Variants in NEGR1 observed in about 807,000 individuals in gnomAD.
NEGR1 encodes IgLON family member 4.
A neutral mutation model predicts 40.9 loss-of-function variants in NEGR1; 10 were observed. That is an observed-to-expected ratio of 0.24 (90% CI 0.15 to 0.42). The LOEUF (loss-of-function observed/expected upper bound fraction) is 0.42, where lower values mean the gene tolerates loss of function less well. Ranked by LOEUF, NEGR1 falls within the 10% of genes least tolerant of loss-of-function variation. NEGR1 has a pLI of 1.00. For synonymous variants in NEGR1, 185 were observed against 166.8 expected (o/e 1.11, Z -0.84); for missense variants, 352 against 438.9 (o/e 0.80, Z 1.77).
At chr1:71,826,793 T>C (rs1403290646) in intron 2 of NEGR1, among the ~76,000 whole-genome samples, 1 of 151,966 alleles carries the variant, frequency 6.6e-6, no homozygotes, top group South Asian at 2.1e-4. Context: ...GTTACCTACA[T>C]AATTACATTT....
At chr1:72,043,048 G>A (rs568622565) in intron 1 of NEGR1, among the ~76,000 whole-genome samples, 11 of 151,926 alleles carry the variant, frequency 7.2e-5, no homozygotes, top group African/African-American at 2.7e-4. Flanking sequence ...GAGTGGCATA[G>A]CATACCAGGC....
intron 3 of NEGR1, among the ~76,000 whole-genome samples, chr1:71,699,025 C>G (rs1461706435): frequency 6.6e-6 from 1 of 151,914 alleles, no homozygotes; most frequent in Non-Finnish European, 1.5e-5. Context: ...GGAGACCCTT[C>G]TACCTCCTTG....
At chr1:71,670,804 T>C (rs1296598784) in intron 4 of NEGR1, among the ~76,000 whole-genome samples, 1 of 152,126 alleles carries the variant, frequency 6.6e-6, no homozygotes, top group Non-Finnish European at 1.5e-5. Context: ...TATGTCTCTC[T>C]GATCAAATCA....
intron 2 of NEGR1, among the ~76,000 whole-genome samples, chr1:71,914,259 A>T (rs1661509039): frequency 6.6e-6 from 1 of 152,212 alleles, no homozygotes; most frequent in Non-Finnish European, 1.5e-5. Context: ...TGTCTGACTC[A>T]TCTTGGGGCC....
intron 1 of NEGR1, among the ~76,000 whole-genome samples, chr1:72,041,082 A>T (rs950084831): frequency 6.6e-6 from 1 of 152,064 alleles, no homozygotes; most frequent in Admixed American, 6.6e-5. Flanking sequence ...TTCCCTATAG[A>T]CAAAGTACCA....
In NEGR1 at chr1:71,925,068, G is replaced by C. The variant is rs545570588; in HGVS notation, c.409+10011C>G. On this transcript the variant is annotated intron_variant, in intron 2 of 6. Transcript: ENST00000357731. ...CTAACATTTGTCAGACACCATCCTG[G>C]TTGAGAGTCAAAAAATAAAATAAAA... 4.6e-5 allele frequency among the ~76,000 whole-genome samples: 7 copies of C among 152,124 alleles called. No homozygotes were observed. The South Asian group carries it at 1.5e-3, about 32-fold the overall frequency.
chr1:71,833,884 C>T (rs1200317252), intron 2 of NEGR1, among the ~76,000 whole-genome samples: 3 of 152,128 alleles, frequency 2.0e-5, no homozygotes, highest in Admixed American at 2.0e-4. Flanking sequence ...TCCAATTAGT[C>T]TGCATCTTTA....
chr1:71,899,080 T>G (rs530795296), intron 2 of NEGR1, among the ~76,000 whole-genome samples: 1 of 146,836 alleles, frequency 6.8e-6, no homozygotes, highest in African/African-American at 2.5e-5. Context: ...TGGAAAAGAT[T>G]CTGGGAACAG....
intron 4 of NEGR1, among the ~76,000 whole-genome samples, chr1:71,623,420 G>C (rs1334986): frequency 6.6e-6 from 1 of 151,800 alleles, no homozygotes; most frequent in Admixed American, 6.6e-5. Flanking sequence ...ATTTCTATAT[G>C]GTTCAAAGAC....
chr1:72,053,198 T>C (rs1211872319), intron 1 of NEGR1, among the ~76,000 whole-genome samples: 3 of 151,256 alleles, frequency 2.0e-5, no homozygotes, highest in South Asian at 4.1e-4. Flanking sequence ...CAAATAAACA[T>C]ACCCTTTTCT....
intron 6 of NEGR1, among the ~76,000 whole-genome samples, chr1:71,425,008 A>G (rs546748126): frequency 6.6e-6 from 1 of 152,190 alleles, no homozygotes. Context: ...TAATTGTTTC[A>G]TAGCAATAGA....
intron 1 of NEGR1, among the ~76,000 whole-genome samples, chr1:72,019,440 A>T (rs1251428043): frequency 6.6e-6 from 1 of 152,192 alleles, no homozygotes; most frequent in East Asian, 1.9e-4. Context: ...GCTGTATTAT[A>T]ATGCAGCTGT....
intron 1 of NEGR1, among the ~76,000 whole-genome samples, chr1:72,048,335 G>A (rs1167733364): frequency 6.6e-6 from 1 of 151,380 alleles, no homozygotes; most frequent in African/African-American, 2.4e-5. Context: ...TTTAATTTTT[G>A]TACCTCAGAA....
intron 2 of NEGR1, among the ~76,000 whole-genome samples, chr1:71,910,396 AC>A (rs1661393188): frequency 6.6e-6 from 1 of 152,184 alleles, no homozygotes; most frequent in Admixed American, 6.5e-5. Context: ...AGTACCAACA[AC>A]CCTCAAAGAC....
At chr1:71,925,173 A>G (rs1295706310) in intron 2 of NEGR1, among the ~76,000 whole-genome samples, 1 of 152,234 alleles carries the variant, frequency 6.6e-6, no homozygotes, top group Non-Finnish European at 1.5e-5. Flanking sequence ...TACGGTGTTC[A>G]TAAGCCTGTG....
Position 71,920,435 on chromosome 1 carries a change from C to T in NEGR1, c.409+14644G>A, listed in dbSNP as rs116788071. Among the ~76,000 whole-genome samples, 1,358 of 152,218 alleles carry T rather than the reference C, an allele frequency of 8.9e-3. 21 individuals are homozygous for T. The highest frequency in any genetic ancestry group is 0.031 in the African/African-American group (1,293 of 41,532). On this transcript the variant is annotated intron_variant, in intron 2 of 6. Coordinates refer to ENST00000357731, the MANE Select transcript of NEGR1 (RefSeq NM_173808.3). The stretch of plus-strand genomic sequence containing the variant: ...CACTTCATGCCTTGTAATTAAACCT[C>T]AAGCCTATCCACTACTTCACCCCAA...
chr1:72,138,044 C>G (rs1453845609), intron 1 of NEGR1, among the ~76,000 whole-genome samples: 1 of 151,670 alleles, frequency 6.6e-6, no homozygotes, highest in Non-Finnish European at 1.5e-5. Context: ...TCATCACACT[C>G]CAAGATATGC....
intron 4 of NEGR1, among the ~76,000 whole-genome samples, chr1:71,646,181 C>A (rs977117620): frequency 6.6e-6 from 1 of 151,696 alleles, no homozygotes; most frequent in Non-Finnish European, 1.5e-5. Flanking sequence ...CATGAATACA[C>A]ATATTGTTTT....
At chr1:72,121,123 G>T (rs533397203) in intron 1 of NEGR1, among the ~76,000 whole-genome samples, 1 of 151,788 alleles carries the variant, frequency 6.6e-6, no homozygotes, top group East Asian at 1.9e-4. Context: ...ATACTTTACC[G>T]CAAATTTTAC....
Sources: allele counts gnomAD v4.1 joint callset (sites outside exome capture counted in the v4.1 genomes callset), GRCh38; gene constraint gnomAD v4.1.1; transcripts MANE v1.5; gene names NCBI Gene and HGNC (gene_info 2026-07-23, HGNC 2026-07-21).